Variants in ARHGAP15 observed in about 807,000 individuals in gnomAD.
ARHGAP15 encodes rho GTPase-activating protein 15.
ARHGAP15 carries 51 observed loss-of-function variants against 63.7 expected under a neutral mutation model. The observed-to-expected ratio is 0.80, with a 90% CI of 0.64 to 1.01. The LOEUF (loss-of-function observed/expected upper bound fraction) is 1.01. Ranked by LOEUF, ARHGAP15 falls within the 50% of genes least tolerant of loss-of-function variation. The pLI is 0.00. For synonymous variants in ARHGAP15, 191 were observed against 193.8 expected (o/e 0.99, Z 0.12); for missense variants, 560 against 564.6 (o/e 0.99, Z 0.08).
chr2:143,610,621 G>A (rs1031194872), intron 11 of ARHGAP15, among the ~76,000 whole-genome samples: 8 of 152,168 alleles, frequency 5.3e-5, no homozygotes, highest in Non-Finnish European at 8.8e-5. Context: ...CTCATAAAAT[G>A]TACGGCATTG....
intron 11 of ARHGAP15, chr2:143,593,218 T>G (rs1319505022): frequency 1.3e-5 from 2 of 152,194 alleles, no homozygotes; most frequent in East Asian, 3.8e-4. Context: ...CATTTGTAGG[T>G]CAGTGTTCAA....
intron 6 of ARHGAP15, among the ~76,000 whole-genome samples, chr2:143,281,417 TATA>T (rs1681844092): frequency 6.6e-6 from 1 of 152,160 alleles, no homozygotes; most frequent in Admixed American, 6.5e-5. Flanking sequence ...TAGGATATAA[TATA>T]ATAGGATAAG....
intron 13 of ARHGAP15, among the ~76,000 whole-genome samples, chr2:143,732,596 T>G (rs758466858): frequency 1.1e-4 from 16 of 152,160 alleles, no homozygotes; most frequent in Non-Finnish European, 2.1e-4. Context: ...TGAAGCTGTA[T>G]TTCAGGGAAG....
At chr2:143,510,218 T>C (rs1574554099) in intron 9 of ARHGAP15, among the ~76,000 whole-genome samples, 1 of 152,136 alleles carries the variant, frequency 6.6e-6, no homozygotes, top group East Asian at 1.9e-4. Flanking sequence ...GCTGCCTCTC[T>C]ATTATAGCAA....
intron 3 of ARHGAP15, among the ~76,000 whole-genome samples, chr2:143,214,985 T>A (rs6430010): frequency 0.16 from 24,903 of 152,254 alleles, 2,167 homozygotes; most frequent in Middle Eastern, 0.24. Context: ...CATTTACTTA[T>A]TTGTTCAAAC....
At chr2:143,471,170 A>G (rs1037174906) in intron 8 of ARHGAP15, among the ~76,000 whole-genome samples, 4 of 148,214 alleles carry the variant, frequency 2.7e-5, no homozygotes, top group East Asian at 2.0e-4. Flanking sequence ...GAAAGAGGAT[A>G]TGAATATGTG....
At chr2:143,715,615 A>C (rs574151835) in intron 13 of ARHGAP15, among the ~76,000 whole-genome samples, 1 of 152,326 alleles carries the variant, frequency 6.6e-6, no homozygotes, top group South Asian at 2.1e-4. Flanking sequence ...TAGATGCTGT[A>C]TATTAGACCT....
chr2:143,528,510 G>T (rs1694379491), intron 10 of ARHGAP15, among the ~76,000 whole-genome samples: 1 of 151,966 alleles, frequency 6.6e-6, no homozygotes, highest in Admixed American at 6.6e-5. Flanking sequence ...TCAATTTGAA[G>T]TTAATGAAGA....
chr2:143,535,215 T>C (rs1694700092), intron 10 of ARHGAP15, among the ~76,000 whole-genome samples: 1 of 152,148 alleles, frequency 6.6e-6, no homozygotes, highest in African/African-American at 2.4e-5. Context: ...CAACCACTCT[T>C]TTGAATTCAT....
chr2:143,530,962 T>C (rs914535066), intron 10 of ARHGAP15, among the ~76,000 whole-genome samples: 1 of 152,144 alleles, frequency 6.6e-6, no homozygotes, highest in Non-Finnish European at 1.5e-5. Context: ...GTTTCCTCAC[T>C]GTAGGAGGGG....
At chr2:143,315,449 TCCC>T (rs1683658594) in intron 6 of ARHGAP15, among the ~76,000 whole-genome samples, 4 of 152,132 alleles carry the variant, frequency 2.6e-5, no homozygotes, top group Non-Finnish European at 5.9e-5. Context: ...TACATGTGGC[TCCC>T]AAGCACAGCT....
At chr2:143,208,870 C>T (rs1692455806) in intron 3 of ARHGAP15, among the ~76,000 whole-genome samples, 1 of 151,762 alleles carries the variant, frequency 6.6e-6, no homozygotes, top group Non-Finnish European at 1.5e-5. Flanking sequence ...TATGGAAAAC[C>T]CTGCAGGAGT....
chr2:143,607,549 G>GAGAC (rs1553511688), intron 11 of ARHGAP15: 1 of 61,862 alleles, frequency 1.6e-5, no homozygotes, highest in African/African-American at 4.3e-5. Context: ...GGCCACCCAC[G>GAGAC]AGAGAGAGAG....
At chr2:143,384,423 T>C (rs1287402648) in intron 6 of ARHGAP15, among the ~76,000 whole-genome samples, 1 of 152,178 alleles carries the variant, frequency 6.6e-6, no homozygotes, top group African/African-American at 2.4e-5. Context: ...TCTTTTATTT[T>C]TATATTCTAT....
intron 10 of ARHGAP15, chr2:143,522,006 T>C (rs571362474): frequency 2.0e-5 from 3 of 152,324 alleles, no homozygotes; most frequent in African/African-American, 7.2e-5. Flanking sequence ...CTCACACTTC[T>C]GTAGTCTCTC....
intron 6 of ARHGAP15, among the ~76,000 whole-genome samples, chr2:143,306,524 T>C (rs1245165531): frequency 1.3e-5 from 2 of 152,128 alleles, no homozygotes; most frequent in Non-Finnish European, 2.9e-5. Context: ...GAGATCAAAA[T>C]AGATGATATA....
At chr2:143,455,117 T>G (rs1467415047) in intron 8 of ARHGAP15, among the ~76,000 whole-genome samples, 2 of 152,044 alleles carry the variant, frequency 1.3e-5, no homozygotes, top group Non-Finnish European at 2.9e-5. Flanking sequence ...AATAAAAGAA[T>G]AGCTACTCCA....
At chr2:143,425,346 TATAG>T (rs997093031) in intron 6 of ARHGAP15, among the ~76,000 whole-genome samples, 16 of 147,978 alleles carry the variant, frequency 1.1e-4, no homozygotes, top group East Asian at 7.7e-4. Flanking sequence ...TCTCTTTATA[TATAG>T]AGAGAAATAG....
intron 10 of ARHGAP15, among the ~76,000 whole-genome samples, chr2:143,523,529 A>C (rs1694143612): frequency 1.3e-5 from 2 of 152,152 alleles, no homozygotes; most frequent in African/African-American, 4.8e-5. Flanking sequence ...TAAGTGGCGA[A>C]CCAGTCATGT....
Sources: gnomAD v4.1 joint callset for allele counts (sites outside exome capture counted in the v4.1 genomes callset) on GRCh38, gnomAD v4.1.1 for gene constraint, MANE v1.5 for transcripts, NCBI Gene and HGNC (gene_info 2026-07-23, HGNC 2026-07-21) for gene names.